SYNE2: variants seen among roughly 807,000 people sequenced by gnomAD.
SYNE2 encodes spectrin repeat containing nuclear envelope protein 2, also known as nesprin-2.
Under a neutral mutation model 856.3 loss-of-function variants are expected in SYNE2, and 431 were observed. That is an observed-to-expected ratio of 0.50 (90% CI 0.47 to 0.55). The LOEUF (loss-of-function observed/expected upper bound fraction) is 0.55. SYNE2 is among the 20% of genes least tolerant of loss of function. SYNE2 has a pLI of 0.00. For synonymous variants in SYNE2, 2,923 were observed against 2,872.3 expected (o/e 1.02, Z -0.56); for missense variants, 8,129 against 8,023.2 (o/e 1.01, Z -0.50).
chr14:63,853,268 G>T (rs1374120834), intron 1 of SYNE2, 125 bp downstream of exon 1: 2 of 152,114 alleles, frequency 1.3e-5, no homozygotes, highest in African/African-American at 4.8e-5. Flanking sequence ...GGCGGGAGAC[G>T]GGAACCGACC....
rs1283579961 is a variant in SYNE2, at chr14:64,097,930, A to C, written c.12109-19A>C. Reference sequence around the variant, plus strand: ...GGCCTCAGACTTCTCAAACCTATGCAAACACTCTTTCTACACAGGGAGAAA... The same window carrying C: ...GGCCTCAGACTTCTCAAACCTATGCCAACACTCTTTCTACACAGGGAGAAA... On this transcript the variant is annotated intron_variant, in intron 61 of 115. Transcript: ENST00000555002. The C allele has an allele frequency of 1.2e-6, 2 of 1,614,032 alleles. No homozygotes were observed. Among genetic ancestry groups the C allele is most frequent in the African/African-American group, 2.7e-5 (2 of 74,932 alleles).
intron 2 of SYNE2, among the ~76,000 whole-genome samples, chr14:63,923,879 A>G (rs2095629448): frequency 6.6e-6 from 1 of 151,952 alleles, no homozygotes; most frequent in African/African-American, 2.4e-5. Flanking sequence ...GCTCACTGCA[A>G]TCTCTGCCTC....
intron 1 of SYNE2, among the ~76,000 whole-genome samples, chr14:63,799,975 G>T (rs1381575306): frequency 1.3e-5 from 2 of 152,168 alleles, no homozygotes; most frequent in African/African-American, 4.8e-5. Flanking sequence ...GTACAGAATT[G>T]AAGATTTGGC....
intron 99 of SYNE2, chr14:64,202,171 GC>G: frequency 5.7e-6 from 4 of 702,140 alleles, no homozygotes; most frequent in Non-Finnish European, 7.8e-6. Context: ...GATTTCCTTT[GC>G]CCCCTCCCTT....
intron 32 of SYNE2, among the ~76,000 whole-genome samples, chr14:64,013,015 G>A (rs2096859097): frequency 6.6e-6 from 1 of 152,172 alleles, no homozygotes; most frequent in Admixed American, 6.5e-5. Context: ...AAAGACAGAA[G>A]TGCAAAAAGT....
chr14:64,164,410 G>A (rs906896951), intron 89 of SYNE2, among the ~76,000 whole-genome samples: 4 of 151,922 alleles, frequency 2.6e-5, no homozygotes, highest in African/African-American at 9.7e-5. Flanking sequence ...GTGTCTGGCC[G>A]GCTAATTTTT....
At chr14:63,983,489 G>A (rs573634452) in intron 17 of SYNE2, among the ~76,000 whole-genome samples, 13 of 152,164 alleles carry the variant, frequency 8.5e-5, no homozygotes, top group African/African-American at 2.2e-4. Context: ...AACATACACT[G>A]AGCCTTATGT....
chr14:63,962,331 C>G (rs1477378765), intron 9 of SYNE2, among the ~76,000 whole-genome samples: 3 of 151,904 alleles, frequency 2.0e-5, no homozygotes, highest in African/African-American at 7.3e-5. Context: ...GCTGGGATTA[C>G]AGGAGTGAGC....
At chr14:64,117,836 G>A (rs2097863407) in intron 66 of SYNE2, among the ~76,000 whole-genome samples, 1 of 152,170 alleles carries the variant, frequency 6.6e-6, no homozygotes, top group Admixed American at 6.5e-5. Flanking sequence ...GCCGAGTGCT[G>A]GAGTATGAAT....
intron 1 of SYNE2, among the ~76,000 whole-genome samples, chr14:63,832,941 T>A (rs1170578031): frequency 6.7e-6 from 1 of 149,224 alleles, no homozygotes; most frequent in Non-Finnish European, 1.5e-5. Flanking sequence ...CGGGAGGCCC[T>A]GGGAGGTCAA....
intron 26 of SYNE2, among the ~76,000 whole-genome samples, 199 bp downstream of exon 26, chr14:63,998,527 AT>A (rs982263966): frequency 7.9e-5 from 12 of 151,844 alleles, no homozygotes; most frequent in Non-Finnish European, 2.9e-5. Flanking sequence ...TATTTTTCTT[AT>A]TTTTTTGTTT....
intron 99 of SYNE2, among the ~76,000 whole-genome samples, chr14:64,198,847 A>G (rs1265786654): frequency 6.6e-6 from 1 of 152,218 alleles, no homozygotes; most frequent in African/African-American, 2.4e-5. Context: ...AAGAAGACAA[A>G]TCAGACAAAT....
intron 47 of SYNE2, 117 bp downstream of exon 47, chr14:64,049,993 C>T (rs951634384): frequency 8.1e-7 from 1 of 1,233,798 alleles, no homozygotes; most frequent in Non-Finnish European, 1.1e-6. Context: ...GATTTTAAAA[C>T]CACAGGATGG....
At chr14:63,858,700 G>T (rs763210031) in intron 1 of SYNE2, among the ~76,000 whole-genome samples, 1 of 152,078 alleles carries the variant, frequency 6.6e-6, no homozygotes, top group Non-Finnish European at 1.5e-5. Flanking sequence ...CTGTAATATT[G>T]TAACAGTATT....
chr14:64,212,326 TC>T (rs765896826), intron 104 of SYNE2, among the ~76,000 whole-genome samples: 2 of 152,208 alleles, frequency 1.3e-5, no homozygotes, highest in Non-Finnish European at 2.9e-5. Context: ...AGGTCCGCTC[TC>T]CCATTGTTTC....
At chr14:63,997,429 A>G in intron 25 of SYNE2, 38 bp downstream of exon 25, 2 of 1,472,294 alleles carry the variant, frequency 1.4e-6, no homozygotes, top group Non-Finnish European at 1.9e-6. Context: ...AAGTAAACCC[A>G]AAGTAAAAGA....
At position 64,221,584 on chromosome 14, in the gene SYNE2, C is replaced by G. The variant is rs780254010; in HGVS notation, c.20070C>G (p.His6690Gln). Residue 6690 changes from histidine (H) to glutamine (Q), a missense_variant, in exon 112 of 116, where the codon CAC (histidine) becomes CAG (glutamine). This residue lies in a region of SYNE2 where 5,410 missense variants were observed against 5,284.8 expected (regional missense o/e 1.02). Coordinates refer to ENST00000555002, the MANE Select transcript of SYNE2 (RefSeq NM_182914.3). ...RQSLMQCQDF[H>Q]QLSQNLLLWL... Reference sequence around the variant, plus strand: ...ATGTGTTGTTTTTTAAGGACTTCCACCAGTTGAGTCAAAATCTGCTGCTGT... The same window carrying G: ...ATGTGTTGTTTTTTAAGGACTTCCAGCAGTTGAGTCAAAATCTGCTGCTGT... The G allele has an allele frequency of 3.1e-6, 5 of 1,614,070 alleles. No homozygotes were observed. Among genetic ancestry groups the G allele is most frequent in the Non-Finnish European group, 4.2e-6 (5 of 1,180,052 alleles).
At position 64,158,704 on chromosome 14, in the gene SYNE2, T is replaced by C. The variant is rs776578358; in HGVS notation, c.15872T>C (p.Met5291Thr). 8 of 1,614,002 alleles carry C rather than the reference T, an allele frequency of 5.0e-6. No homozygotes were observed. The South Asian group carries it at 7.7e-5, about 16-fold the overall frequency. The change falls in exon 86 of 116, where the codon ATG becomes ACG. Residue 5291 changes from methionine to threonine, a missense_variant. By Grantham distance (81) the Met-to-Thr change is moderately conservative. Transcript: ENST00000555002. ...IYDQLYDEVN[M>T]MTIRFWYCME... ...GATCAACTCTATGATGAAGTGAATA[T>C]GATGACAATCCGATTCTGGTACTGC...
intron 70 of SYNE2, 79 bp from the exon 71 acceptor site, chr14:64,125,000 C>G: frequency 6.3e-7 from 1 of 1,575,074 alleles, no homozygotes. Context: ...AAGACTCCAT[C>G]TCGAAAATAA....
Sources: allele counts gnomAD v4.1 joint callset (sites outside exome capture counted in the v4.1 genomes callset), GRCh38; gene constraint gnomAD v4.1.1; regional missense constraint gnomAD v4.1.1; transcripts MANE v1.5; gene names NCBI Gene and HGNC (gene_info 2026-07-23, HGNC 2026-07-21).